Variants in USP48 observed in about 807,000 individuals in gnomAD.
USP48 encodes the protein ubiquitin specific peptidase 48.
In USP48, 43 loss-of-function variants were observed where a neutral mutation model predicts 150.7. That is an observed-to-expected ratio of 0.29 (90% CI 0.22 to 0.37). The LOEUF is 0.37. USP48 is among the 10% of genes least tolerant of loss of function. The pLI, the probability that USP48 is intolerant of heterozygous loss-of-function variation, is 1.00. For missense variants in USP48, 813 were observed against 1,249.6 expected, an observed-to-expected ratio of 0.65 and a Z score of 5.27; for synonymous variants, 396 against 425.9, an observed-to-expected ratio of 0.93 and a Z score of 0.86.
intron 10 of USP48, among the ~76,000 whole-genome samples, chr1:21,729,183 T>C (rs1411620745): frequency 6.6e-6 from 1 of 151,444 alleles, no homozygotes; most frequent in Non-Finnish European, 1.5e-5. Flanking sequence ...CTCGGGAGGC[T>C]GAGGCACAGA....
chr1:21,690,199 AGGCTTCAGAGT>A, intron 23 of USP48, 100 bp from the exon 24 acceptor site: 7 of 1,311,876 alleles, frequency 5.3e-6, no homozygotes, highest in Non-Finnish European at 7.1e-6. Context: ...AAAAAAAAAA[AGGCTTCAGAGT>A]ACAAAACCAC....
At chr1:21,682,547 T>C (rs1000384961) in intron 25 of USP48, among the ~76,000 whole-genome samples, 2 of 152,032 alleles carry the variant, frequency 1.3e-5, no homozygotes, top group Admixed American at 1.3e-4. Flanking sequence ...TCCTCAACTA[T>C]CTGACTGCTC....
intron 9 of USP48, among the ~76,000 whole-genome samples, chr1:21,735,476 C>T (rs564695886): frequency 1.3e-5 from 2 of 152,302 alleles, no homozygotes; most frequent in African/African-American, 4.8e-5. Context: ...GTTGGCCGGG[C>T]ATGATGGTTC....
At chr1:21,762,358 GA>G (rs1349130909) in intron 1 of USP48, among the ~76,000 whole-genome samples, 2 of 152,266 alleles carry the variant, frequency 1.3e-5, no homozygotes. Context: ...GATATACTAG[GA>G]AGGTTCTTTC....
chr1:21,748,935 G>A (rs2097802068), intron 6 of USP48, among the ~76,000 whole-genome samples: 1 of 151,966 alleles, frequency 6.6e-6, no homozygotes, highest in Non-Finnish European at 1.5e-5. Context: ...AAAACAGGAG[G>A]GAGGAGGGTA....
At chr1:21,780,738 ATTTT>A (rs34071636) in intron 1 of USP48, among the ~76,000 whole-genome samples, 1 of 117,452 alleles carries the variant, frequency 8.5e-6, no homozygotes, top group Non-Finnish European at 1.7e-5. Flanking sequence ...AGATAAGATA[ATTTT>A]TTTTTTTTTT....
chr1:21,699,153 C>A (rs1257838872), intron 22 of USP48, among the ~76,000 whole-genome samples: 2 of 151,374 alleles, frequency 1.3e-5, no homozygotes, highest in African/African-American at 4.8e-5. Flanking sequence ...CCTCAGCCTC[C>A]CCAGTACCTG....
intron 15 of USP48, among the ~76,000 whole-genome samples, chr1:21,711,012 T>C (rs945549118): frequency 6.6e-6 from 1 of 152,012 alleles, no homozygotes; most frequent in Admixed American, 6.6e-5. Context: ...TCTCACTATG[T>C]TGCCCAGGCT....
rs1234478247 is a variant in USP48 at position 21,679,015 on chromosome 1, A to G, written c.*402T>C. The G allele has an allele frequency of 1.1e-5, 3 of 280,292 alleles. No homozygotes were observed. Among genetic ancestry groups the G allele is most frequent in the Non-Finnish European group, 2.0e-5 (3 of 147,662 alleles). 17.4% of individuals were successfully genotyped at this position (280,292 alleles called of 1,614,324 possible). Reference sequence around the variant, plus strand: ...TTCGTTCAGAGCAGAATGTTGTCCCATCTACTTGATACAATCCTTTATGGA... The same window carrying G: ...TTCGTTCAGAGCAGAATGTTGTCCCGTCTACTTGATACAATCCTTTATGGA... On this transcript the variant is annotated 3_prime_UTR_variant, in exon 27 of 27. Transcript: ENST00000308271.
intron 1 of USP48, among the ~76,000 whole-genome samples, chr1:21,765,794 G>T (rs904602366): frequency 5.3e-5 from 8 of 150,500 alleles, no homozygotes; most frequent in Non-Finnish European, 1.2e-4. Context: ...GCTGAGGTGA[G>T]TGGATCACCT....
At chr1:21,689,931 A>AT in intron 24 of USP48, 43 bp downstream of exon 24, 1 of 1,609,148 alleles carries the variant, frequency 6.2e-7, no homozygotes, top group Non-Finnish European at 8.5e-7. Flanking sequence ...GTTATGTAAC[A>AT]TGTAAAACCT....
intron 2 of USP48, chr1:21,757,381 G>T: frequency 4.2e-6 from 1 of 239,788 alleles, no homozygotes; most frequent in East Asian, 8.3e-5. Flanking sequence ...GAGGCGTTAA[G>T]ATTTCAAAAT....
intron 8 of USP48, 114 bp from the exon 9 acceptor site, chr1:21,736,739 G>A (rs1004494355): frequency 3.3e-6 from 3 of 912,802 alleles, no homozygotes; most frequent in Non-Finnish European, 4.5e-6. Flanking sequence ...CTAAAAACAT[G>A]TCACCTAAAA....
chr1:21,771,780 G>A (rs146323671), intron 1 of USP48, among the ~76,000 whole-genome samples: 29 of 127,244 alleles, frequency 2.3e-4, no homozygotes, highest in African/African-American at 7.1e-4. Context: ...TTAGCCGGGC[G>A]TGGTGGCACA....
chr1:21,696,834 A>G (rs150856140), intron 22 of USP48, among the ~76,000 whole-genome samples: 113 of 120,968 alleles, frequency 9.3e-4, no homozygotes, highest in African/African-American at 3.4e-3. Context: ...TAATGATCAG[A>G]GGTTAATGAT....
chr1:21,687,354 T>G, intron 24 of USP48, 115 bp from the exon 25 acceptor site: 2 of 986,350 alleles, frequency 2.0e-6, no homozygotes, highest in Non-Finnish European at 3.1e-6. Flanking sequence ...CACTGTCCAG[T>G]AGATAACTCA....
chr1:21,711,935 T>C (rs549266655), intron 15 of USP48, among the ~76,000 whole-genome samples: 1 of 152,298 alleles, frequency 6.6e-6, no homozygotes, highest in South Asian at 2.1e-4. Flanking sequence ...GACAACTAAA[T>C]ACCTAGGCAA....
At chr1:21,742,068 T>C (rs754682282) in intron 8 of USP48, among the ~76,000 whole-genome samples, 3 of 152,314 alleles carry the variant, frequency 2.0e-5, no homozygotes, top group Admixed American at 6.5e-5. Context: ...TTATAATTTC[T>C]AGTTAATTAT....
intron 15 of USP48, among the ~76,000 whole-genome samples, chr1:21,713,067 C>T (rs1226559852): frequency 4.0e-5 from 6 of 151,852 alleles, no homozygotes; most frequent in Non-Finnish European, 7.4e-5. Flanking sequence ...TCCCTCCCTC[C>T]CTCCCTTTCT....
Sources: allele counts gnomAD v4.1 joint callset (sites outside exome capture counted in the v4.1 genomes callset), GRCh38; gene constraint gnomAD v4.1.1; transcripts MANE v1.5; gene names NCBI Gene and HGNC (gene_info 2026-07-23, HGNC 2026-07-21).